TNS3: variants seen among roughly 807,000 people sequenced by gnomAD.
TNS3 encodes the protein tensin 3.
Under a neutral mutation model 140.9 loss-of-function variants are expected in TNS3, and 45 were observed. The ratio of observed to expected loss-of-function variants is 0.32; its 90% CI spans 0.25 to 0.41. TNS3 has a LOEUF of 0.41. Ranked by LOEUF, TNS3 falls within the 10% of genes least tolerant of loss-of-function variation. TNS3 has a pLI of 1.00. For synonymous variants in TNS3, 815 were observed against 788.4 expected (o/e 1.03, Z -0.56); for missense variants, 1,716 against 1,906.7 (o/e 0.90, Z 1.86).
intron 4 of TNS3, among the ~76,000 whole-genome samples, chr7:47,475,141 CACCACAG>C (rs1216286441): frequency 7.2e-5 from 11 of 152,214 alleles, no homozygotes; most frequent in Non-Finnish European, 1.3e-4. Context: ...ACCTCACACA[CACCACAG>C]ACCACAGACA....
At chr7:47,501,333 G>A (rs1798217347) in intron 3 of TNS3, among the ~76,000 whole-genome samples, 1 of 152,128 alleles carries the variant, frequency 6.6e-6, no homozygotes, top group Non-Finnish European at 1.5e-5. Flanking sequence ...TTTTGGGGAG[G>A]TCAAAGCTGA....
chr7:47,565,269 G>A (rs1800405182), intron 1 of TNS3, among the ~76,000 whole-genome samples: 1 of 151,852 alleles, frequency 6.6e-6, no homozygotes, highest in South Asian at 2.1e-4. Context: ...AGTAGAGACG[G>A]GGTTTCACTG....
intron 1 of TNS3, among the ~76,000 whole-genome samples, chr7:47,530,299 C>T (rs760155054): frequency 6.6e-6 from 1 of 152,170 alleles, no homozygotes; most frequent in Non-Finnish European, 1.5e-5. Context: ...GGTGAATGAA[C>T]TTGAAGACAT....
chr7:47,361,748 A>G (rs547306696), intron 17 of TNS3, among the ~76,000 whole-genome samples: 40 of 152,290 alleles, frequency 2.6e-4, no homozygotes, highest in Non-Finnish European at 5.0e-4. Context: ...GGTTAGCACT[A>G]ACAGAGCAGA....
chr7:47,433,684 C>T (rs1266895973), intron 8 of TNS3, among the ~76,000 whole-genome samples: 2 of 152,176 alleles, frequency 1.3e-5, no homozygotes, highest in Non-Finnish European at 2.9e-5. Flanking sequence ...TGCCCTAGAA[C>T]CTGCACTTTC....
intron 17 of TNS3, among the ~76,000 whole-genome samples, chr7:47,361,017 G>A (rs1790284837): frequency 6.6e-6 from 1 of 151,600 alleles, no homozygotes; most frequent in East Asian, 1.9e-4. Context: ...GCAGGCGCTG[G>A]GGCCCACTTG....
At chr7:47,538,335 C>T (rs1282552253) in intron 1 of TNS3, among the ~76,000 whole-genome samples, 1 of 152,106 alleles carries the variant, frequency 6.6e-6, no homozygotes, top group Non-Finnish European at 1.5e-5. Flanking sequence ...CGGTGGGCAG[C>T]GGAAGAGACC....
chr7:47,438,038 AAAATAATAAT>A (rs1795275703), intron 6 of TNS3, among the ~76,000 whole-genome samples: 1 of 52,570 alleles, frequency 1.9e-5, no homozygotes, highest in Non-Finnish European at 6.4e-5. Flanking sequence ...GTTCAAAATG[AAAATAATAAT>A]AATAATAATA....
intron 20 of TNS3, among the ~76,000 whole-genome samples, chr7:47,311,522 T>G (rs1190863339): frequency 6.6e-6 from 1 of 151,424 alleles, no homozygotes; most frequent in African/African-American, 2.4e-5. Flanking sequence ...TAAATGAAAT[T>G]AAGCATTCAG....
intron 1 of TNS3, among the ~76,000 whole-genome samples, chr7:47,551,928 CGT>C (rs929046838): frequency 6.6e-6 from 1 of 152,002 alleles, no homozygotes; most frequent in African/African-American, 2.4e-5. Context: ...GCTACAAAAC[CGT>C]GTGTCCACCG....
At chr7:47,556,516 C>T (rs781710544) in intron 1 of TNS3, among the ~76,000 whole-genome samples, 6 of 152,158 alleles carry the variant, frequency 3.9e-5, no homozygotes, top group Admixed American at 6.5e-5. Flanking sequence ...GAACCGAGGA[C>T]GACAGAGGGC....
chr7:47,399,583 T>C (rs957033431), intron 15 of TNS3, among the ~76,000 whole-genome samples: 2 of 152,232 alleles, frequency 1.3e-5, no homozygotes, highest in African/African-American at 4.8e-5. Context: ...AAGAATACCC[T>C]ATTTAACAAA....
intron 20 of TNS3, among the ~76,000 whole-genome samples, chr7:47,312,315 G>A (rs1311879426): frequency 6.6e-6 from 1 of 152,160 alleles, no homozygotes; most frequent in Non-Finnish European, 1.5e-5. Context: ...GATGCATGGA[G>A]TTTAAAACCA....
intron 4 of TNS3, among the ~76,000 whole-genome samples, chr7:47,460,129 C>G (rs1162915954): frequency 6.7e-6 from 1 of 148,658 alleles, no homozygotes; most frequent in Non-Finnish European, 1.5e-5. Context: ...AGGAGAATGG[C>G]GTGAACCTGA....
At chr7:47,498,987 G>C (rs547797069) in intron 3 of TNS3, among the ~76,000 whole-genome samples, 10 of 152,278 alleles carry the variant, frequency 6.6e-5, no homozygotes, top group African/African-American at 1.4e-4. Flanking sequence ...GCTTGGTCCT[G>C]CTGGCCACCT....
intron 22 of TNS3, 151 bp downstream of exon 22, chr7:47,302,799 A>G (rs145836334): frequency 8.7e-7 from 1 of 1,147,420 alleles, no homozygotes; most frequent in Non-Finnish European, 1.2e-6. Flanking sequence ...TTGGACGAGG[A>G]AAATGGAAAA....
chr7:47,516,441 C>T (rs1798780444), intron 2 of TNS3, among the ~76,000 whole-genome samples: 1 of 152,142 alleles, frequency 6.6e-6, no homozygotes, highest in Non-Finnish European at 1.5e-5. Flanking sequence ...CAGTGACTGC[C>T]AGGACCCCAT....
intron 1 of TNS3, among the ~76,000 whole-genome samples, chr7:47,565,082 ATT>A (rs1181395225): frequency 7.2e-6 from 1 of 138,770 alleles, no homozygotes; most frequent in Admixed American, 7.3e-5. Context: ...TTTTATTTCT[ATT>A]TTTTTTTTTT....
chr7:47,530,123 T>C (rs532678895), intron 1 of TNS3, among the ~76,000 whole-genome samples: 1 of 152,302 alleles, frequency 6.6e-6, no homozygotes, highest in East Asian at 1.9e-4. Flanking sequence ...CAGCTTTATA[T>C]AACCCAAATG....
Sources: gnomAD v4.1 joint callset for allele counts (sites outside exome capture counted in the v4.1 genomes callset) on GRCh38, gnomAD v4.1.1 for gene constraint, MANE v1.5 for transcripts, NCBI Gene and HGNC (gene_info 2026-07-23, HGNC 2026-07-21) for gene names.